XXYLT1: variants seen among roughly 807,000 people sequenced by gnomAD.
The protein encoded by XXYLT1 is xyloside xylosyltransferase 1.
A neutral mutation model predicts 28.9 loss-of-function variants in XXYLT1; 20 were observed. That is an observed-to-expected ratio of 0.69 (90% CI 0.49 to 1.00). The LOEUF (loss-of-function observed/expected upper bound fraction) is 1.00, where lower values mean the gene tolerates loss of function less well. XXYLT1 is among the 50% of genes least tolerant of loss of function. The pLI, the probability that XXYLT1 is intolerant of heterozygous loss-of-function variation, is 0.00. For synonymous variants in XXYLT1, 257 were observed against 253.8 expected, an observed-to-expected ratio of 1.01 and a Z score of -0.12; for missense variants, 542 against 560.1, an observed-to-expected ratio of 0.97 and a Z score of 0.33.
At chr3:195,112,653 C>G (rs1717827050) in intron 3 of XXYLT1, among the ~76,000 whole-genome samples, 1 of 149,480 alleles carries the variant, frequency 6.7e-6, no homozygotes, top group Non-Finnish European at 1.5e-5. Flanking sequence ...ACACGCAGCT[C>G]CCAGCCCCGG....
intron 1 of XXYLT1, among the ~76,000 whole-genome samples, chr3:195,237,453 AC>A (rs1335455354): frequency 6.6e-6 from 1 of 152,034 alleles, no homozygotes; most frequent in African/African-American, 2.4e-5. Flanking sequence ...AGTGATCAAG[AC>A]TGTCTTTCCT....
At chr3:195,127,319 G>A (rs1178977725) in intron 3 of XXYLT1, among the ~76,000 whole-genome samples, 1 of 152,148 alleles carries the variant, frequency 6.6e-6, no homozygotes, top group East Asian at 1.9e-4. Flanking sequence ...TTACTCCTGG[G>A]TGTCTTTGTC....
intron 2 of XXYLT1, among the ~76,000 whole-genome samples, chr3:195,201,742 T>C (rs1027139957): frequency 6.6e-6 from 1 of 152,108 alleles, no homozygotes; most frequent in Non-Finnish European, 1.5e-5. Context: ...AGGACCTGAG[T>C]GCCCAAGGGA....
chr3:195,074,776 TGTG>T (rs1055352050), intron 3 of XXYLT1, among the ~76,000 whole-genome samples: 1 of 152,190 alleles, frequency 6.6e-6, no homozygotes, highest in Non-Finnish European at 1.5e-5. Flanking sequence ...ACCACTGCCC[TGTG>T]GTATCAAACT....
chr3:195,166,069 T>C (rs1263965883), intron 2 of XXYLT1, among the ~76,000 whole-genome samples: 1 of 152,092 alleles, frequency 6.6e-6, no homozygotes, highest in African/African-American at 2.4e-5. Flanking sequence ...CTGGCCCCTG[T>C]GCTGAGAATC....
intron 1 of XXYLT1, among the ~76,000 whole-genome samples, chr3:195,244,921 T>G (rs1724953099): frequency 6.8e-6 from 1 of 147,672 alleles, no homozygotes; most frequent in Non-Finnish European, 1.5e-5. Context: ...ATCCCAGCAC[T>G]TTGGGAGGCC....
At chr3:195,085,647 G>A (rs924667904) in intron 3 of XXYLT1, among the ~76,000 whole-genome samples, 4 of 150,980 alleles carry the variant, frequency 2.6e-5, no homozygotes, top group Admixed American at 6.6e-5. Flanking sequence ...AGCCACAACC[G>A]TGTCTGGTGA....
chr3:195,114,538 C>G (rs1560103849), intron 3 of XXYLT1, among the ~76,000 whole-genome samples: 1 of 152,228 alleles, frequency 6.6e-6, no homozygotes, highest in Non-Finnish European at 1.5e-5. Context: ...CCCCTACACC[C>G]ACAATCACAT....
intron 2 of XXYLT1, among the ~76,000 whole-genome samples, chr3:195,167,676 A>G (rs932792682): frequency 1.3e-5 from 2 of 152,120 alleles, no homozygotes; most frequent in African/African-American, 2.4e-5. Flanking sequence ...CTGGCATTCT[A>G]CTCCACTGTG....
intron 2 of XXYLT1, among the ~76,000 whole-genome samples, chr3:195,218,001 A>G (rs962536734): frequency 6.7e-5 from 10 of 150,032 alleles, no homozygotes; most frequent in African/African-American, 2.5e-4. Flanking sequence ...GCCCTCAGAA[A>G]TAACGCCGCA....
chr3:195,178,278 C>T (rs916644220), intron 2 of XXYLT1, among the ~76,000 whole-genome samples: 4 of 152,266 alleles, frequency 2.6e-5, no homozygotes, highest in African/African-American at 9.6e-5. Context: ...CCTGCCCACA[C>T]GGAACCCTCG....
chr3:195,123,191 A>AAAAAAAAAC, intron 3 of XXYLT1, among the ~76,000 whole-genome samples: 1 of 149,940 alleles, frequency 6.7e-6, no homozygotes, highest in African/African-American at 2.5e-5. Context: ...AAAAAAAAAA[A>AAAAAAAAAC]CCCTACATTT....
intron 1 of XXYLT1, among the ~76,000 whole-genome samples, chr3:195,269,454 A>T (rs1365447437): frequency 6.6e-6 from 1 of 152,214 alleles, no homozygotes; most frequent in African/African-American, 2.4e-5. Flanking sequence ...ACAGTACAGC[A>T]TGTATAAGGC....
intron 2 of XXYLT1, among the ~76,000 whole-genome samples, chr3:195,197,024 G>A (rs939326669): frequency 2.6e-5 from 4 of 152,324 alleles, no homozygotes; most frequent in Middle Eastern, 3.4e-3. Context: ...AATATGCACC[G>A]AGGCAATTAT....
chr3:195,206,035 T>C (rs1723057573), intron 2 of XXYLT1, among the ~76,000 whole-genome samples: 1 of 148,352 alleles, frequency 6.7e-6, no homozygotes, highest in Non-Finnish European at 1.5e-5. Context: ...TTTTTTTTTT[T>C]TTTTTTTGAG....
chr3:195,120,706 G>A (rs1718310200), intron 3 of XXYLT1, among the ~76,000 whole-genome samples: 2 of 152,204 alleles, frequency 1.3e-5, no homozygotes, highest in Non-Finnish European at 1.5e-5. Context: ...ATTTCATTCA[G>A]GATTCAGAGT....
At chr3:195,111,642 G>A (rs1717723150) in intron 3 of XXYLT1, among the ~76,000 whole-genome samples, 1 of 152,158 alleles carries the variant, frequency 6.6e-6, no homozygotes, top group Non-Finnish European at 1.5e-5. Flanking sequence ...CAAGCTGAAC[G>A]AGTATTATAC....
intron 2 of XXYLT1, among the ~76,000 whole-genome samples, chr3:195,167,598 A>G (rs1392632108): frequency 6.6e-6 from 1 of 152,106 alleles, no homozygotes; most frequent in Non-Finnish European, 1.5e-5. Flanking sequence ...TCTCAAATAT[A>G]TATATATAGC....
At chr3:195,103,305 C>T (rs909121083) in intron 3 of XXYLT1, among the ~76,000 whole-genome samples, 2 of 152,064 alleles carry the variant, frequency 1.3e-5, no homozygotes, top group African/African-American at 4.8e-5. Flanking sequence ...AATGCACCCC[C>T]ACACCAGCGA....
Sources: allele counts gnomAD v4.1 joint callset (sites outside exome capture counted in the v4.1 genomes callset), GRCh38; gene constraint gnomAD v4.1.1; transcripts MANE v1.5; gene names NCBI Gene and HGNC (gene_info 2026-07-23, HGNC 2026-07-21).